Variants in SRBD1 observed in about 807,000 individuals in gnomAD.
SRBD1 encodes the protein S1 RNA binding domain 1.
Under a neutral mutation model 115.3 loss-of-function variants are expected in SRBD1, and 88 were observed. The observed-to-expected ratio is 0.76, with a 90% CI of 0.64 to 0.91. SRBD1 has a LOEUF of 0.91. Ranked by LOEUF, SRBD1 falls within the 40% of genes least tolerant of loss-of-function variation. The probability of loss-of-function intolerance (pLI) is 0.00; values close to 1 mark genes in which losing one functional copy is unlikely to be tolerated. For missense variants in SRBD1, 1,385 were observed against 1,177.4 expected (o/e 1.18, Z -2.58); for synonymous variants, 509 against 407.7 (o/e 1.25, Z -2.99).
intron 2 of SRBD1, among the ~76,000 whole-genome samples, chr2:45,604,256 G>A (rs1050260873): frequency 3.3e-5 from 5 of 151,508 alleles, no homozygotes; most frequent in Non-Finnish European, 7.4e-5. Flanking sequence ...CCTTCCAGTG[G>A]CCTCCCAACC....
rs533637808 is a variant in SRBD1 at position 45,461,788 on chromosome 2, G to C, written c.2049+15205C>G. ...GCCTCATTTTCCTTGACTCTTATTTGACTTCAGATAGTTATCGTCATTCAT... is the reference window on the plus strand; with the variant it reads ...GCCTCATTTTCCTTGACTCTTATTTCACTTCAGATAGTTATCGTCATTCAT... On this transcript the variant is annotated intron_variant, in intron 16 of 20. Coordinates refer to ENST00000263736, the MANE Select transcript of SRBD1 (RefSeq NM_018079.5). Among the ~76,000 whole-genome samples, 21 of 152,144 alleles carry C rather than the reference G, an allele frequency of 1.4e-4. 1 individual carries two copies. The South Asian group carries it at 3.9e-3, about 29-fold the overall frequency.
At chr2:45,610,481 G>C (rs765962892) in intron 1 of SRBD1, among the ~76,000 whole-genome samples, 5 of 152,200 alleles carry the variant, frequency 3.3e-5, no homozygotes, top group Non-Finnish European at 5.9e-5. Context: ...AGGTGAAACA[G>C]TTTACTCAAA....
chr2:45,418,248 T>G lies in SRBD1; in HGVS notation c.2333+117A>C, dbSNP rs1387837955. On this transcript the variant is annotated intron_variant, in intron 18 of 20. Coordinates refer to ENST00000263736, the MANE Select transcript of SRBD1 (RefSeq NM_018079.5). Reference sequence around the variant, plus strand: ...AAAGGACAGTCACTCAACACTTAACTGAATGAAGGCATGAACAATGGACAC... The same window carrying G: ...AAAGGACAGTCACTCAACACTTAACGGAATGAAGGCATGAACAATGGACAC... The G allele has an allele frequency of 1.4e-5, 17 of 1,204,602 alleles. 1 individual carries two copies. Among genetic ancestry groups the G allele is most frequent in the Non-Finnish European group, 2.0e-5 (17 of 866,128 alleles). The allele number at this position is 1,204,602 out of a possible 1,614,324, so 74.6% of individuals were successfully genotyped here.
chr2:45,463,551 C>A (rs916665676), intron 16 of SRBD1, among the ~76,000 whole-genome samples: 1 of 152,116 alleles, frequency 6.6e-6, no homozygotes, highest in Non-Finnish European at 1.5e-5. Context: ...TATTTCTCTT[C>A]TCAATTGCTA....
chr2:45,504,879 C>T (rs1010919764), intron 14 of SRBD1, among the ~76,000 whole-genome samples: 1 of 152,084 alleles, frequency 6.6e-6, no homozygotes, highest in African/African-American at 2.4e-5. Context: ...CAAAAATCTG[C>T]AATTTCCTCG....
chr2:45,536,033 G>T (rs976308326), intron 14 of SRBD1, among the ~76,000 whole-genome samples: 2 of 151,956 alleles, frequency 1.3e-5, no homozygotes, highest in African/African-American at 2.4e-5. Flanking sequence ...ACACCTGGCA[G>T]GGAGTATGCA....
chr2:45,575,443 T>C (rs369496136), intron 7 of SRBD1, among the ~76,000 whole-genome samples: 20 of 152,332 alleles, frequency 1.3e-4, no homozygotes, highest in African/African-American at 4.8e-4. Context: ...GTTTCATTTC[T>C]TTTGTCTTTA....
At chr2:45,571,745 T>G (rs964493118) in intron 9 of SRBD1, among the ~76,000 whole-genome samples, 5 of 151,710 alleles carry the variant, frequency 3.3e-5, no homozygotes, top group Admixed American at 2.0e-4. Flanking sequence ...GTACAATGAC[T>G]GAAATAAAAA....
chr2:45,574,863 C>A, intron 7 of SRBD1, 140 bp from the exon 8 acceptor site: 1 of 682,928 alleles, frequency 1.5e-6, no homozygotes, highest in African/African-American at 1.8e-5. Context: ...GATATTGCAG[C>A]AGTATACTAG....
At chr2:45,540,644 G>T (rs576799722) in intron 14 of SRBD1, among the ~76,000 whole-genome samples, 2 of 151,966 alleles carry the variant, frequency 1.3e-5, no homozygotes, top group African/African-American at 4.8e-5. Context: ...GCTTAATTCA[G>T]AATAAATAAA....
chr2:45,486,534 T>G (rs1198480708), intron 15 of SRBD1, among the ~76,000 whole-genome samples: 2 of 151,988 alleles, frequency 1.3e-5, no homozygotes, highest in Non-Finnish European at 2.9e-5. Context: ...GAGACCATCC[T>G]GGTTAACATG....
intron 13 of SRBD1, 98 bp downstream of exon 13, chr2:45,547,424 G>C: frequency 2.0e-6 from 2 of 1,018,800 alleles, no homozygotes; most frequent in Non-Finnish European, 2.9e-6. Flanking sequence ...CTCTCACAAA[G>C]GCACCTCCCT....
chr2:45,396,560 A>G (rs538795927), intron 19 of SRBD1, among the ~76,000 whole-genome samples: 18 of 152,232 alleles, frequency 1.2e-4, no homozygotes, highest in Admixed American at 3.3e-4. Context: ...ATGTTCTTTA[A>G]GCACACATCT....
intron 16 of SRBD1, among the ~76,000 whole-genome samples, chr2:45,435,018 C>G (rs1668450108): frequency 6.6e-6 from 1 of 151,794 alleles, no homozygotes; most frequent in Admixed American, 6.6e-5. Context: ...AGAACATGTG[C>G]AGTGTTTGGT....
intron 14 of SRBD1, among the ~76,000 whole-genome samples, chr2:45,502,955 G>A (rs115544910): frequency 0.04 from 6,021 of 152,216 alleles, 213 homozygotes; most frequent in East Asian, 0.12. Flanking sequence ...AAAGTGCTGG[G>A]ATGACAGGCA....
At chr2:45,537,812 T>G (rs3770289) in intron 14 of SRBD1, among the ~76,000 whole-genome samples, 17,479 of 152,020 alleles carry the variant, frequency 0.11, 1,019 homozygotes, top group Middle Eastern at 0.14. Context: ...GAGTATGGAG[T>G]GCTAAACATG....
In SRBD1 at chr2:45,389,318, C is replaced by A. The variant is rs759594011; in HGVS notation, c.2980G>T (p.Val994Leu). The change falls in exon 21 of 21, where the codon GTG becomes TTG. Residue 994 changes from valine (V) to leucine (L), a missense_variant. Coordinates refer to ENST00000263736, the MANE Select transcript of SRBD1 (RefSeq NM_018079.5). ...RSRITLDLIRVL is the reference protein window; with the variant it reads ...RSRITLDLIRLL ...TGGCCTTCGTGGGATACTCATAACA[C>A]CCGAATGAGGTCCAGAGTAATCCTA... The A allele has an allele frequency of 1.9e-6, 3 of 1,613,280 alleles. No homozygotes were observed. The highest frequency in any genetic ancestry group is 2.5e-6 in the Non-Finnish European group (3 of 1,179,480).
In SRBD1 at chr2:45,477,015, T is replaced by C; in HGVS notation, c.2027A>G (p.His676Arg). Residue 676 changes from histidine to arginine, a missense_variant, in exon 16 of 21, where the codon CAC (histidine) becomes CGC (arginine). Physicochemically the swap from His to Arg is conservative, Grantham distance 29. Coordinates refer to ENST00000263736, the MANE Select transcript of SRBD1 (RefSeq NM_018079.5). ...TACCTGATACATTCCAACTCCAATG[T>C]GCTTTGGCTCAATTTTCACTAGCTC... Reference protein sequence around the residue: ...LAELVKIEPKHIGVGMYQHDV... With the variant: ...LAELVKIEPKRIGVGMYQHDV... 3 of 1,613,790 alleles carry C rather than the reference T, an allele frequency of 1.9e-6. No individual in the cohort carries two copies. The highest frequency in any genetic ancestry group is 2.5e-6 in the Non-Finnish European group (3 of 1,179,880).
intron 4 of SRBD1, among the ~76,000 whole-genome samples, chr2:45,588,697 A>G (rs1159876725): frequency 1.3e-5 from 2 of 152,184 alleles, no homozygotes; most frequent in East Asian, 3.8e-4. Context: ...CTCTGGCCAG[A>G]GAGATTAGCC....
Sources: allele counts gnomAD v4.1 joint callset (sites outside exome capture counted in the v4.1 genomes callset), GRCh38; gene constraint gnomAD v4.1.1; transcripts MANE v1.5; gene names NCBI Gene and HGNC (gene_info 2026-07-23, HGNC 2026-07-21).